The following CHRNA5 variants were observed in gnomAD, a reference collection of about 807,000 sequenced individuals.
The protein encoded by CHRNA5 is cholinergic receptor nicotinic alpha 5 subunit.
In CHRNA5, 28 loss-of-function variants were observed where a neutral mutation model predicts 41.2. That is an observed-to-expected ratio of 0.68 (90% CI 0.50 to 0.93). The LOEUF is 0.93. CHRNA5 is among the 40% of genes least tolerant of loss of function. The pLI is 0.00. For synonymous variants in CHRNA5, 188 were observed against 205.8 expected, an observed-to-expected ratio of 0.91 and a Z score of 0.74; for missense variants, 481 against 581.9, an observed-to-expected ratio of 0.83 and a Z score of 1.78.
At chr15:78,590,569 T>C in exon 5 of CHRNA5, 1 of 1,614,150 alleles carries the variant, frequency 6.2e-7, no homozygotes, top group Non-Finnish European at 8.5e-7. Flanking sequence ...AGAAACACAT[T>C]GGAAGCTGCG....
chr15:78,580,836 A>C, exon 2 of CHRNA5: 1 of 1,613,246 alleles, frequency 6.2e-7, no homozygotes, highest in Non-Finnish European at 8.5e-7. Context: ...CTTCTATTGC[A>C]AAACATGAAG....
chr15:78,578,383 C>T (rs896956287), intron 1 of CHRNA5, among the ~76,000 whole-genome samples: 1 of 152,174 alleles, frequency 6.6e-6, no homozygotes, highest in African/African-American at 2.4e-5. Context: ...TGGCGTGTGC[C>T]TGTGGTCCCT....
intron 5 of CHRNA5, among the ~76,000 whole-genome samples, chr15:78,592,535 G>A (rs1788834772): frequency 6.6e-6 from 1 of 152,112 alleles, no homozygotes; most frequent in African/African-American, 2.4e-5. Context: ...GTGGCTCCGA[G>A]CTGCTGAGCC....
At chr15:78,576,434 C>A (rs2052857447) in intron 1 of CHRNA5, among the ~76,000 whole-genome samples, 1 of 152,118 alleles carries the variant, frequency 6.6e-6, no homozygotes, top group East Asian at 1.9e-4. Context: ...GCGTGAGCCA[C>A]CGCGCCTGGC....
intron 2 of CHRNA5, among the ~76,000 whole-genome samples, chr15:78,584,105 C>T (rs2052937566): frequency 6.6e-6 from 1 of 152,078 alleles, no homozygotes. Flanking sequence ...ACTACGAAAG[C>T]AGAAGAGGAC....
chr15:78,582,544 T>C (rs753398223), intron 2 of CHRNA5, among the ~76,000 whole-genome samples: 30 of 151,666 alleles, frequency 2.0e-4, no homozygotes, highest in Admixed American at 5.9e-4. Flanking sequence ...TCAAAGATCT[T>C]TCTGGTTGAG....
At chr15:78,582,676 C>G (rs569946375) in intron 2 of CHRNA5, among the ~76,000 whole-genome samples, 1 of 152,052 alleles carries the variant, frequency 6.6e-6, no homozygotes, top group Non-Finnish European at 1.5e-5. Flanking sequence ...AGGTGGCACC[C>G]GAGCTGGCTT....
At chr15:78,589,777 A>G in intron 4 of CHRNA5, 28 bp from the exon 5 acceptor site, 3 of 1,480,328 alleles carry the variant, frequency 2.0e-6, no homozygotes, top group Non-Finnish European at 2.7e-6. Flanking sequence ...TAATTTCTGC[A>G]TTGTTATTTT....
intron 1 of CHRNA5, among the ~76,000 whole-genome samples, chr15:78,573,302 T>G (rs1220535489): frequency 6.6e-6 from 1 of 152,220 alleles, no homozygotes; most frequent in Non-Finnish European, 1.5e-5. Flanking sequence ...AGAGCTGCAG[T>G]GCTGTTGGAA....
At chr15:78,590,900 G>A in intron 5 of CHRNA5, 1 of 427,742 alleles carries the variant, frequency 2.3e-6, no homozygotes, top group South Asian at 3.0e-5. Flanking sequence ...AAAATTTAGT[G>A]TTATATTCTA....
At chr15:78,580,285 A>AAAAC in intron 1 of CHRNA5, among the ~76,000 whole-genome samples, 1 of 149,024 alleles carries the variant, frequency 6.7e-6, no homozygotes, top group Admixed American at 6.6e-5. Flanking sequence ...GTCTCAAAAA[A>AAAAC]AAAAAAAAAA....
At chr15:78,577,882 G>A (rs1421597904) in intron 1 of CHRNA5, among the ~76,000 whole-genome samples, 1 of 144,360 alleles carries the variant, frequency 6.9e-6, no homozygotes, top group African/African-American at 2.6e-5. Flanking sequence ...AGTGAGCCAA[G>A]ATTGCACCAT....
intron 2 of CHRNA5, among the ~76,000 whole-genome samples, chr15:78,581,905 T>C (rs1047671706): frequency 6.6e-6 from 1 of 152,220 alleles, no homozygotes; most frequent in African/African-American, 2.4e-5. Context: ...TTTTTAATAG[T>C]TACATATTTC....
At chr15:78,595,207 C>T (rs567596048) in exon 6 of CHRNA5, 1 of 826,026 alleles carries the variant, frequency 1.2e-6, no homozygotes, top group South Asian at 5.5e-5. Flanking sequence ...GTATACATCC[C>T]TGATCCCTCT....
exon 6 of CHRNA5, chr15:78,593,928 A>C (rs1327276209): frequency 6.6e-6 from 1 of 152,312 alleles, no homozygotes; most frequent in East Asian, 1.9e-4. Flanking sequence ...AATCCCAGCT[A>C]CCTGGGAGGC....
chr15:78,576,137 G>A lies in CHRNA5; in HGVS notation c.107-4674G>A, dbSNP rs1435192063. On this transcript the variant is annotated intron_variant, in intron 1 of 5. Transcript: ENST00000299565. ...TGAAGTCAAGTTTTTTGTTTTGTTT[G>A]TTTGTTTTTTTTTTTGTTGTTGTTT... Among the ~76,000 whole-genome samples, 3 of 151,884 alleles carry A rather than the reference G, an allele frequency of 2.0e-5. No individual in the cohort carries two copies. The East Asian group carries it at 5.8e-4, about 29-fold the overall frequency.
At chr15:78,584,988 T>G (rs602070) in intron 2 of CHRNA5, among the ~76,000 whole-genome samples, 1 of 152,172 alleles carries the variant, frequency 6.6e-6, no homozygotes, top group Non-Finnish European at 1.5e-5. Context: ...GACATGATCT[T>G]GGCTCACTAC....
intron 2 of CHRNA5, among the ~76,000 whole-genome samples, chr15:78,585,791 C>CTTTTTTTTTTTTTTTTTTTTTT (rs752254237): frequency 1.5e-5 from 2 of 130,612 alleles, no homozygotes; most frequent in Non-Finnish European, 3.1e-5. Flanking sequence ...TCTTTTCTTT[C>CTTTTTTTTTTTTTTTTTTTTTT]TTTTTTTTTT....
intron 1 of CHRNA5, among the ~76,000 whole-genome samples, chr15:78,575,030 C>T (rs1176172258): frequency 6.6e-6 from 1 of 151,152 alleles, no homozygotes. Flanking sequence ...AGGTTAACAG[C>T]TTATTAGTGG....
Sources: allele counts gnomAD v4.1 joint callset (sites outside exome capture counted in the v4.1 genomes callset), GRCh38; gene constraint gnomAD v4.1.1; transcripts MANE v1.5; gene names NCBI Gene and HGNC (gene_info 2026-07-23, HGNC 2026-07-21).